Variants in CSMD3 observed in about 807,000 individuals in gnomAD.
The protein encoded by CSMD3 is CUB and sushi domain-containing protein 3.
Under a neutral mutation model 435.2 loss-of-function variants are expected in CSMD3, and 177 were observed. The ratio of observed to expected loss-of-function variants is 0.41; its 90% CI spans 0.36 to 0.46. The LOEUF (loss-of-function observed/expected upper bound fraction) is 0.46, where lower values mean the gene tolerates loss of function less well. CSMD3 is among the 20% of genes least tolerant of loss of function. The pLI, the probability that CSMD3 is intolerant of heterozygous loss-of-function variation, is 0.34. For missense variants in CSMD3, 4,265 were observed against 4,504.6 expected, an observed-to-expected ratio of 0.95 and a Z score of 1.52; for synonymous variants, 1,656 against 1,520.5, an observed-to-expected ratio of 1.09 and a Z score of -2.07.
chr8:112,289,229 T>C (rs1819523402), intron 57 of CSMD3, 136 bp downstream of exon 57: 1 of 783,206 alleles, frequency 1.3e-6, no homozygotes, highest in Admixed American at 1.8e-5. Flanking sequence ...GTAAGCAGTG[T>C]TTCAGCTTTT....
At chr8:113,385,503 T>C (rs1025131863) in intron 1 of CSMD3, among the ~76,000 whole-genome samples, 6 of 152,100 alleles carry the variant, frequency 3.9e-5, no homozygotes, top group Admixed American at 3.9e-4. Context: ...TCAACACTGA[T>C]TGGGAATACA....
chr8:112,630,942 TCACACACACACACA>T lies in CSMD3; in HGVS notation c.3715+5861_3715+5874del, dbSNP rs5894090. On this transcript the variant is annotated intron_variant, in intron 22 of 70. Coordinates refer to ENST00000297405, the MANE Select transcript of CSMD3 (RefSeq NM_198123.2). The stretch of plus-strand genomic sequence containing the variant: ...TGTTACCAACAAACTACATCAGTAT[TCACACACACACACA>T]CACACACACACACACACACACACAC... 3.0e-3 allele frequency among the ~76,000 whole-genome samples: 422 copies of T among 140,520 alleles called. 1 individual carries two copies. Among genetic ancestry groups the T allele is most frequent in the African/African-American group, 8.4e-3 (324 of 38,398 alleles). The allele number at this position is 140,520 out of a possible 152,430, so 92.2% of individuals were successfully genotyped here. A position where few individuals can be genotyped will look rare whatever the true frequency, so the allele number is the denominator to read the frequency against.
chr8:112,437,997 T>C (rs1993208), intron 32 of CSMD3, among the ~76,000 whole-genome samples: 64,850 of 151,908 alleles, frequency 0.43, 14,829 homozygotes, highest in Middle Eastern at 0.6. Flanking sequence ...CTACCCCACA[T>C]TATTAACCCT....
At chr8:112,840,985 T>C (rs1048693920) in intron 11 of CSMD3, among the ~76,000 whole-genome samples, 1 of 151,560 alleles carries the variant, frequency 6.6e-6, no homozygotes, top group African/African-American at 2.4e-5. Context: ...AAAAAATATA[T>C]AATAATCTTA....
chr8:112,281,652 C>A (rs1818659235), intron 58 of CSMD3, among the ~76,000 whole-genome samples: 1 of 151,916 alleles, frequency 6.6e-6, no homozygotes, highest in African/African-American at 2.4e-5. Context: ...ACCACAAAAT[C>A]TTTTAGAGAA....
At chr8:112,536,190 A>G (rs1826061290) in intron 27 of CSMD3, among the ~76,000 whole-genome samples, 1 of 151,378 alleles carries the variant, frequency 6.6e-6, no homozygotes, top group Admixed American at 6.6e-5. Flanking sequence ...ATTAAACTAA[A>G]GAGCTTCTGC....
chr8:112,840,188 A>G lies in CSMD3; in HGVS notation c.1756-10399T>C, dbSNP rs2080139997. 2.0e-5 allele frequency among the ~76,000 whole-genome samples: 3 copies of G among 151,874 alleles called. No homozygotes were observed. In the South Asian group the frequency reaches 6.2e-4, roughly 31 times the overall value. ...CCATGAATGAATTCTCTCTGGAGCC[A>G]GTAGTTAGGAAAAGACTGGGGAAGG... is the stretch of plus-strand genomic sequence containing the variant. On this transcript the variant is annotated intron_variant, in intron 11 of 70. Coordinates refer to ENST00000297405, the MANE Select transcript of CSMD3 (RefSeq NM_198123.2).
intron 9 of CSMD3, among the ~76,000 whole-genome samples, chr8:112,922,863 A>G (rs1432242548): frequency 2.0e-5 from 3 of 152,138 alleles, no homozygotes; most frequent in Non-Finnish European, 2.9e-5. Flanking sequence ...CATGACTCCA[A>G]GTTTTATTTA....
At chr8:112,434,053 T>G (rs566176923) in intron 32 of CSMD3, among the ~76,000 whole-genome samples, 5 of 152,210 alleles carry the variant, frequency 3.3e-5, no homozygotes, top group Non-Finnish European at 7.4e-5. Context: ...AACACATTCA[T>G]TTGCTTCCAA....
At chr8:113,310,609 A>G (rs1373183395) in intron 2 of CSMD3, 1 of 151,918 alleles carries the variant, frequency 6.6e-6, no homozygotes, top group Non-Finnish European at 1.5e-5. Context: ...AATCAGATAT[A>G]TGTAAATAAT....
chr8:112,621,053 T>C (rs192861529), intron 22 of CSMD3, among the ~76,000 whole-genome samples: 97 of 152,036 alleles, frequency 6.4e-4, no homozygotes, highest in South Asian at 4.8e-3. Context: ...CTGACCAACA[T>C]GGAGAAACCC....
intron 5 of CSMD3, among the ~76,000 whole-genome samples, chr8:113,050,298 G>A (rs1209275306): frequency 6.6e-6 from 1 of 151,778 alleles, no homozygotes; most frequent in Non-Finnish European, 1.5e-5. Context: ...AACAATGAGA[G>A]AAAGAAAAAA....
At chr8:112,229,119 C>T (rs1812843963) in intron 69 of CSMD3, among the ~76,000 whole-genome samples, 1 of 151,978 alleles carries the variant, frequency 6.6e-6, no homozygotes, top group South Asian at 2.1e-4. Flanking sequence ...AGGCAGAGCC[C>T]CGAACTAAGG....
At chr8:112,516,201 A>G (rs527717153) in intron 28 of CSMD3, among the ~76,000 whole-genome samples, 9 of 152,250 alleles carry the variant, frequency 5.9e-5, no homozygotes, top group African/African-American at 2.2e-4. Flanking sequence ...TATAAGAAAC[A>G]CAATGATGAA....
chr8:113,434,825 G>T lies in CSMD3; in HGVS notation c.178+1852C>A, dbSNP rs571791660. ...AGCCGGGGCTCTAATTGCAGGCGGC[G>T]CGGATCAGCGTTAGTCAGGCTGTAA... On this transcript the variant is annotated intron_variant, in intron 1 of 70. Coordinates refer to ENST00000297405, the MANE Select transcript of CSMD3 (RefSeq NM_198123.2). 8.1e-4 allele frequency among the ~76,000 whole-genome samples: 124 copies of T among 152,168 alleles called. 1 individual carries two copies. Among genetic ancestry groups the T allele is most frequent in the Non-Finnish European group, 1.3e-3 (91 of 68,036 alleles).
intron 32 of CSMD3, among the ~76,000 whole-genome samples, chr8:112,440,419 T>A (rs1396641024): frequency 6.6e-6 from 1 of 152,006 alleles, no homozygotes; most frequent in East Asian, 1.9e-4. Flanking sequence ...TGGTGTTGAG[T>A]GTCCATGGCT....
At chr8:113,306,873 T>C (rs977980470) in intron 2 of CSMD3, among the ~76,000 whole-genome samples, 3 of 152,132 alleles carry the variant, frequency 2.0e-5, no homozygotes, top group Admixed American at 6.6e-5. Context: ...CTTAATTATG[T>C]CCATTAGGCT....
intron 40 of CSMD3, among the ~76,000 whole-genome samples, chr8:112,349,306 T>C (rs2131042144): frequency 6.6e-6 from 1 of 152,200 alleles, no homozygotes; most frequent in Admixed American, 6.5e-5. Flanking sequence ...ATTTCAAATT[T>C]TGAAAACAAT....
chr8:112,260,352 T>G (rs1256573418), intron 61 of CSMD3, among the ~76,000 whole-genome samples: 1 of 152,146 alleles, frequency 6.6e-6, no homozygotes, highest in East Asian at 1.9e-4. Flanking sequence ...GCCCTTGCAA[T>G]TTGATTTTCC....
Sources: allele counts gnomAD v4.1 joint callset (sites outside exome capture counted in the v4.1 genomes callset), GRCh38; gene constraint gnomAD v4.1.1; transcripts MANE v1.5; gene names NCBI Gene and HGNC (gene_info 2026-07-23, HGNC 2026-07-21).